The following GALNT13 variants were observed in gnomAD, a reference collection of about 807,000 sequenced individuals.
GALNT13 encodes UDP-GalNAc:polypeptide N-acetylgalactosaminyltransferase 13.
A neutral mutation model predicts 64.2 loss-of-function variants in GALNT13; 28 were observed. That is an observed-to-expected ratio of 0.44 (90% CI 0.32 to 0.60). The LOEUF is 0.60. Ranked by LOEUF, GALNT13 falls within the 20% of genes least tolerant of loss-of-function variation. GALNT13 has a pLI of 0.05. For missense variants in GALNT13, 577 were observed against 669.8 expected (o/e 0.86, Z 1.53); for synonymous variants, 214 against 224.6 (o/e 0.95, Z 0.42).
chr2:153,171,606 G>A, the GALNT13 span, among the ~76,000 whole-genome samples: 53 of 152,146 alleles, frequency 3.5e-4, no homozygotes, highest in Non-Finnish European at 6.8e-4. Context: ...AACCTGAAGA[G>A]GAAAAAGCTG....
downstream of GALNT13, among the ~76,000 whole-genome samples, chr2:154,454,033 G>A (rs370039239): frequency 1.5e-4 from 23 of 152,090 alleles, no homozygotes; most frequent in African/African-American, 5.1e-4. Context: ...GTGTCCAATG[G>A]CCACTTGAAG....
chr2:154,127,323 C>T (rs984350643), intron 3 of GALNT13, among the ~76,000 whole-genome samples: 1 of 152,036 alleles, frequency 6.6e-6, no homozygotes, highest in Admixed American at 6.6e-5. Context: ...GATTTCTAGA[C>T]GTTGGAAGGC....
chr2:153,695,042 A>G, the GALNT13 span, among the ~76,000 whole-genome samples: 1 of 152,190 alleles, frequency 6.6e-6, no homozygotes, highest in Non-Finnish European at 1.5e-5. Flanking sequence ...GTCCAAAGAA[A>G]ACCAGGCACA....
At chr2:153,587,924 G>A in the GALNT13 span, among the ~76,000 whole-genome samples, 2 of 152,230 alleles carry the variant, frequency 1.3e-5, no homozygotes, top group Non-Finnish European at 2.9e-5. Context: ...ACAGGCATTG[G>A]ATAAATACAG....
the GALNT13 span, among the ~76,000 whole-genome samples, chr2:153,391,724 C>A: frequency 6.6e-6 from 1 of 151,866 alleles, no homozygotes; most frequent in Non-Finnish European, 1.5e-5. Flanking sequence ...GTAAGAAATT[C>A]GAGAGGTGTT....
chr2:153,627,314 AATT>A, the GALNT13 span, among the ~76,000 whole-genome samples: 427 of 152,180 alleles, frequency 2.8e-3, 8 homozygotes, highest in Admixed American at 0.023. Flanking sequence ...TTTTTAAGTC[AATT>A]GATTCAAATT....
chr2:153,523,232 A>G, the GALNT13 span, among the ~76,000 whole-genome samples: 1 of 152,094 alleles, frequency 6.6e-6, no homozygotes, highest in Admixed American at 6.5e-5. Context: ...GTAGCTTTAT[A>G]GTACATCTTA....
chr2:153,258,083 G>A, the GALNT13 span, among the ~76,000 whole-genome samples: 1 of 152,230 alleles, frequency 6.6e-6, no homozygotes, highest in South Asian at 2.1e-4. Context: ...CCTATGGCTG[G>A]ACTCAGCTTT....
intron 4 of GALNT13, among the ~76,000 whole-genome samples, chr2:154,212,211 AG>A (rs1687811680): frequency 6.6e-6 from 1 of 151,818 alleles, no homozygotes; most frequent in Non-Finnish European, 1.5e-5. Flanking sequence ...GCAGGGGTGC[AG>A]GGGGTAGGGG....
the GALNT13 span, among the ~76,000 whole-genome samples, chr2:153,220,412 G>A: frequency 6.6e-6 from 1 of 152,170 alleles, no homozygotes; most frequent in East Asian, 1.9e-4. Context: ...GCAAAATGGT[G>A]AAGTATGACC....
intron 10 of GALNT13, among the ~76,000 whole-genome samples, chr2:154,406,013 A>G (rs1699521628): frequency 6.6e-6 from 1 of 152,196 alleles, no homozygotes; most frequent in Non-Finnish European, 1.5e-5. Context: ...TTGGTGAGTC[A>G]TGGATTTTAG....
the GALNT13 span, among the ~76,000 whole-genome samples, chr2:153,830,445 C>A: frequency 0.014 from 2,060 of 152,154 alleles, 44 homozygotes; most frequent in African/African-American, 0.046. Flanking sequence ...GTCTACTGAA[C>A]AAGCTGTGCA....
intron 3 of GALNT13, among the ~76,000 whole-genome samples, chr2:154,093,847 T>G (rs898351091): frequency 1.3e-5 from 2 of 151,666 alleles, no homozygotes; most frequent in Non-Finnish European, 2.9e-5. Flanking sequence ...GTAATAATCT[T>G]GCTCTAAGTA....
chr2:153,460,428 A>G, the GALNT13 span, among the ~76,000 whole-genome samples: 3 of 152,058 alleles, frequency 2.0e-5, no homozygotes, highest in Non-Finnish European at 4.4e-5. Flanking sequence ...TATTCAGTCT[A>G]TTTACCCACG....
At chr2:153,846,914 G>T in the GALNT13 span, among the ~76,000 whole-genome samples, 43 of 152,028 alleles carry the variant, frequency 2.8e-4, no homozygotes, top group Non-Finnish European at 5.9e-4. Flanking sequence ...CTGAAGAGGT[G>T]TCCGAATTAA....
At chr2:154,053,520 G>A (rs1699752903) in intron 3 of GALNT13, among the ~76,000 whole-genome samples, 1 of 150,702 alleles carries the variant, frequency 6.6e-6, no homozygotes. Flanking sequence ...TGCTTTATTA[G>A]TTTATTTGAT....
At chr2:153,447,804 A>C in the GALNT13 span, among the ~76,000 whole-genome samples, 2 of 152,306 alleles carry the variant, frequency 1.3e-5, no homozygotes, top group South Asian at 4.1e-4. Flanking sequence ...TCAAAAATGA[A>C]ATAAATTGAT....
At chr2:154,186,984 C>CA (rs372245857) in intron 4 of GALNT13, among the ~76,000 whole-genome samples, 23 of 148,626 alleles carry the variant, frequency 1.5e-4, no homozygotes, top group East Asian at 3.9e-4. Context: ...ATAACAGAAC[C>CA]AAAAAAAAAC....
chr2:154,112,399 A>G, intron 3 of GALNT13, among the ~76,000 whole-genome samples: 1 of 152,132 alleles, frequency 6.6e-6, no homozygotes, highest in East Asian at 1.9e-4. Flanking sequence ...CATCCTATTG[A>G]CTTGATTATT....
Sources: allele counts gnomAD v4.1 joint callset (sites outside exome capture counted in the v4.1 genomes callset), GRCh38; gene constraint gnomAD v4.1.1; transcripts MANE v1.5; gene names NCBI Gene and HGNC (gene_info 2026-07-23, HGNC 2026-07-21).